The following SLC18A1 variants were observed in gnomAD, a reference collection of about 807,000 sequenced individuals.
SLC18A1 encodes solute carrier family 18 member A1.
In SLC18A1, 69 loss-of-function variants were observed where a neutral mutation model predicts 53.7. The ratio of observed to expected loss-of-function variants is 1.28; its 90% CI spans 1.06 to 1.57. SLC18A1 has a LOEUF of 1.57. Among genes scored for constraint, SLC18A1 ranks in the 40% most tolerant of loss-of-function variants. The probability of loss-of-function intolerance (pLI) is 0.00; values close to 1 mark genes in which losing one functional copy is unlikely to be tolerated. For synonymous variants in SLC18A1, 320 were observed against 248.1 expected (o/e 1.29, Z -2.72); for missense variants, 932 against 668.1 (o/e 1.40, Z -4.35).
chr8:20,145,918 TCA>T, intron 15 of SLC18A1, 42 bp from the exon 16 acceptor site: 1 of 1,158,566 alleles, frequency 8.6e-7, no homozygotes, highest in Admixed American at 2.4e-5. Flanking sequence ...CACATTATTA[TCA>T]TTTTTTTTTT....
intron 11 of SLC18A1, 122 bp from the exon 12 acceptor site, chr8:20,149,849 G>A: frequency 1.2e-6 from 1 of 827,434 alleles, no homozygotes; most frequent in South Asian, 1.5e-5. Flanking sequence ...AGGACCTGAG[G>A]ACAGCATCCC....
chr8:20,147,453 G>C, intron 14 of SLC18A1, 62 bp from the exon 15 acceptor site: 1 of 1,580,422 alleles, frequency 6.3e-7, no homozygotes, highest in South Asian at 1.2e-5. Flanking sequence ...CATCCTCCAC[G>C]TAGGACACTA....
rs548476296 is a variant in SLC18A1 at position 20,148,428 on chromosome 8, C to A, written c.1147-358G>T. On this transcript the variant is annotated intron_variant, in intron 12 of 15. Coordinates refer to ENST00000276373, the MANE Select transcript of SLC18A1 (RefSeq NM_003053.4). ...ACCCCTCTTCACCTAAACATACACTCCTGGTCTCATTCTTCATGGAATAAA... is the reference window on the plus strand; with the variant it reads ...ACCCCTCTTCACCTAAACATACACTACTGGTCTCATTCTTCATGGAATAAA... 7.0e-6 allele frequency: 9 copies of A among 1,289,610 alleles called. No individual in the cohort carries two copies. The African/African-American group carries it at 1.2e-4, about 17-fold the overall frequency. The allele number at this position is 1,289,610 out of a possible 1,614,324, so 79.9% of individuals were successfully genotyped here. A position where few individuals can be genotyped will look rare whatever the true frequency, so the allele number is the denominator to read the frequency against.
chr8:20,157,393 CA>C (rs1025267783), intron 10 of SLC18A1, among the ~76,000 whole-genome samples: 2 of 152,192 alleles, frequency 1.3e-5, no homozygotes, highest in Admixed American at 1.3e-4. Context: ...CGATTCCCCA[CA>C]GGCCAGTAGG....
intron 10 of SLC18A1, among the ~76,000 whole-genome samples, chr8:20,153,182 C>T (rs994004526): frequency 6.6e-6 from 1 of 151,936 alleles, no homozygotes; most frequent in African/African-American, 2.4e-5. Context: ...GGTTTGTGGC[C>T]ATAAATATAA....
At chr8:20,151,198 C>T (rs2071546155) in intron 10 of SLC18A1, among the ~76,000 whole-genome samples, 1 of 148,888 alleles carries the variant, frequency 6.7e-6, no homozygotes, top group African/African-American at 2.5e-5. Context: ...GATGGAGTCT[C>T]GTCATGTTGC....
chr8:20,180,498 A>C (rs2072396979), intron 2 of SLC18A1, among the ~76,000 whole-genome samples: 1 of 152,158 alleles, frequency 6.6e-6, no homozygotes, highest in Non-Finnish European at 1.5e-5. Context: ...CTGTGAGAAG[A>C]TCTCGCTGCC....
chr8:20,176,852 T>C (rs2072264931), intron 4 of SLC18A1, among the ~76,000 whole-genome samples: 1 of 152,218 alleles, frequency 6.6e-6, no homozygotes, highest in Admixed American at 6.5e-5. Flanking sequence ...TTTTAACACA[T>C]GAATTCTTGG....
chr8:20,177,362 G>C (rs2072277301), intron 4 of SLC18A1, among the ~76,000 whole-genome samples: 1 of 152,130 alleles, frequency 6.6e-6, no homozygotes, highest in Non-Finnish European at 1.5e-5. Context: ...GGAAGAGGAA[G>C]ACAGAAAGTA....
At chr8:20,160,894 A>G (rs1180862886) in intron 10 of SLC18A1, among the ~76,000 whole-genome samples, 1 of 152,144 alleles carries the variant, frequency 6.6e-6, no homozygotes, top group African/African-American at 2.4e-5. Flanking sequence ...AGAGAAAAGA[A>G]AAAGGGGCCA....
chr8:20,149,560 A>G, intron 12 of SLC18A1, 116 bp downstream of exon 12: 1 of 785,796 alleles, frequency 1.3e-6, no homozygotes, highest in Non-Finnish European at 2.1e-6. Flanking sequence ...TAGTCTTTAA[A>G]TGTCTGTGTC....
Position 20,148,081 on chromosome 8 carries a change from A to G in SLC18A1, c.1147-11T>C. 1 of 1,613,902 alleles carries G rather than the reference A, an allele frequency of 6.2e-7. No homozygotes were observed. The highest frequency in any genetic ancestry group is 2.2e-5 in the East Asian group (1 of 44,880). On this transcript the variant is annotated splice_polypyrimidine_tract_variant and intron_variant, in intron 12 of 15. Transcript: ENST00000276373. ...GTGAGCCAGAGGAACCTGCATGGGG[A>G]AGGAGGAAGAGTCATCAGGACTCCA...
intron 6 of SLC18A1, among the ~76,000 whole-genome samples, chr8:20,172,103 G>A (rs1039111318): frequency 1.3e-5 from 2 of 152,212 alleles, no homozygotes; most frequent in African/African-American, 2.4e-5. Context: ...GATTGTTCAG[G>A]CAGCATCGTG....
chr8:20,179,517 A>C lies in SLC18A1; in HGVS notation c.125-33T>G, dbSNP rs768189556. 5.7e-6 allele frequency: 9 copies of C among 1,580,022 alleles called. 1 individual carries two copies. In the South Asian group the frequency reaches 1.1e-4, roughly 19 times the overall value. ...TCAAAGAGGACAGGTGATGGGGGCT[A>C]AGGACCGATGTCATCTTACCACTGA... On this transcript the variant is annotated intron_variant, in intron 2 of 15. Coordinates refer to ENST00000276373, the MANE Select transcript of SLC18A1 (RefSeq NM_003053.4).
At chr8:20,151,313 C>T (rs537245470) in intron 10 of SLC18A1, among the ~76,000 whole-genome samples, 93 of 152,108 alleles carry the variant, frequency 6.1e-4, no homozygotes, top group Non-Finnish European at 1.2e-3. Flanking sequence ...AATGTGCTTC[C>T]AGCTCCCCAC....
At chr8:20,167,967 G>C (rs13267563) in intron 8 of SLC18A1, among the ~76,000 whole-genome samples, 11,470 of 151,996 alleles carry the variant, frequency 0.075, 547 homozygotes, top group Middle Eastern at 0.2. Context: ...AAGAACCTGG[G>C]CTCCTTGGGG....
intron 4 of SLC18A1, among the ~76,000 whole-genome samples, chr8:20,174,934 A>G (rs533827017): frequency 6.6e-6 from 1 of 152,222 alleles, no homozygotes; most frequent in Non-Finnish European, 1.5e-5. Flanking sequence ...ATATCTTGTG[A>G]TACAATCAGA....
intron 4 of SLC18A1, 70 bp downstream of exon 4, chr8:20,178,365 T>C: frequency 1.6e-6 from 2 of 1,266,650 alleles, no homozygotes; most frequent in East Asian, 2.3e-5. Context: ...CCCTGCTATC[T>C]ACACCGCATT....
chr8:20,156,415 G>C (rs956798427), intron 10 of SLC18A1, among the ~76,000 whole-genome samples: 1 of 151,934 alleles, frequency 6.6e-6, no homozygotes, highest in African/African-American at 2.4e-5. Context: ...ACCATACGAA[G>C]GTCTGACCAG....
Sources: allele counts gnomAD v4.1 joint callset (sites outside exome capture counted in the v4.1 genomes callset), GRCh38; gene constraint gnomAD v4.1.1; transcripts MANE v1.5; gene names NCBI Gene and HGNC (gene_info 2026-07-23, HGNC 2026-07-21).